Variants in CCDC148 observed in about 807,000 individuals in gnomAD.
CCDC148 encodes the protein coiled-coil domain containing 148, also known as coiled-coil domain-containing protein 148.
CCDC148 carries 89 observed loss-of-function variants against 85.7 expected under a neutral mutation model. That is an observed-to-expected ratio of 1.04 (90% CI 0.87 to 1.24). The LOEUF (loss-of-function observed/expected upper bound fraction) is 1.24. CCDC148 is among the 50% of genes most tolerant of loss of function. CCDC148 has a pLI of 0.00. For missense variants in CCDC148, 692 were observed against 671.7 expected, an observed-to-expected ratio of 1.03 and a Z score of -0.33; for synonymous variants, 230 against 213.9, an observed-to-expected ratio of 1.08 and a Z score of -0.66.
chr2:158,373,125 G>A (rs570157791), intron 1 of CCDC148, among the ~76,000 whole-genome samples: 2 of 152,152 alleles, frequency 1.3e-5, no homozygotes, highest in South Asian at 2.1e-4. Context: ...AGGAAGGTCA[G>A]AATCAGAGAT....
chr2:158,311,259 C>G (rs1691997402), intron 8 of CCDC148, among the ~76,000 whole-genome samples: 1 of 152,212 alleles, frequency 6.6e-6, no homozygotes, highest in Admixed American at 6.5e-5. Flanking sequence ...CACTCGAGGT[C>G]AGGAGCTGGA....
chr2:158,359,432 C>T (rs1467369616), intron 1 of CCDC148, among the ~76,000 whole-genome samples: 1 of 152,142 alleles, frequency 6.6e-6, no homozygotes, highest in Non-Finnish European at 1.5e-5. Flanking sequence ...CAGCGCCCAG[C>T]TAGATCGATG....
At chr2:158,334,798 A>G (rs577404519) in intron 7 of CCDC148, among the ~76,000 whole-genome samples, 2 of 151,966 alleles carry the variant, frequency 1.3e-5, no homozygotes, top group African/African-American at 4.8e-5. Context: ...ATTTATTTTG[A>G]TTTTAAAAAA....
chr2:158,354,033 A>C (rs1392854226), intron 2 of CCDC148, among the ~76,000 whole-genome samples: 1 of 152,168 alleles, frequency 6.6e-6, no homozygotes, highest in Non-Finnish European at 1.5e-5. Context: ...AACCAATGAG[A>C]ACAAAGACAC....
chr2:158,302,733 G>A (rs964737308), intron 9 of CCDC148, among the ~76,000 whole-genome samples: 4 of 151,454 alleles, frequency 2.6e-5, no homozygotes, highest in African/African-American at 4.9e-5. Context: ...GCAGTGAGCC[G>A]AGATCGTGCC....
chr2:158,207,464 T>C (rs1269674435), intron 11 of CCDC148: 2 of 152,194 alleles, frequency 1.3e-5, no homozygotes, highest in Non-Finnish European at 2.9e-5. Flanking sequence ...TTTAATAAAA[T>C]TTCTGTTTCC....
intron 10 of CCDC148, among the ~76,000 whole-genome samples, chr2:158,222,106 GA>G (rs1687215789): frequency 1.3e-5 from 2 of 152,132 alleles, no homozygotes; most frequent in South Asian, 4.2e-4. Context: ...TTTATAATCA[GA>G]AAAAAATTAA....
chr2:158,370,476 C>T (rs1684392385), intron 1 of CCDC148, among the ~76,000 whole-genome samples: 1 of 151,954 alleles, frequency 6.6e-6, no homozygotes. Flanking sequence ...TCTTTTGCTA[C>T]TGACTAGGTA....
At chr2:158,215,097 C>T (rs1686778614) in intron 11 of CCDC148, among the ~76,000 whole-genome samples, 1 of 151,912 alleles carries the variant, frequency 6.6e-6, no homozygotes, top group African/African-American at 2.4e-5. Flanking sequence ...TTAATCTAAT[C>T]AAGAGTCCAT....
chr2:158,236,341 G>T (rs1025427883), intron 10 of CCDC148, among the ~76,000 whole-genome samples: 1 of 152,128 alleles, frequency 6.6e-6, no homozygotes, highest in Non-Finnish European at 1.5e-5. Context: ...TAATTGAAAT[G>T]CCAGGTGGAT....
chr2:158,186,234 C>T (rs78058123), intron 11 of CCDC148, among the ~76,000 whole-genome samples: 12,390 of 152,068 alleles, frequency 0.081, 706 homozygotes, highest in Non-Finnish European at 0.13. Context: ...TCTGCCCACA[C>T]AGTCTCTTGA....
At chr2:158,195,472 T>C (rs1199710636) in intron 11 of CCDC148, among the ~76,000 whole-genome samples, 1 of 152,178 alleles carries the variant, frequency 6.6e-6, no homozygotes, top group Non-Finnish European at 1.5e-5. Context: ...TTGTTCCCTG[T>C]GAAGTTTTGC....
intron 1 of CCDC148, among the ~76,000 whole-genome samples, chr2:158,407,107 A>C (rs1477325783): frequency 6.6e-6 from 1 of 152,068 alleles, no homozygotes; most frequent in Non-Finnish European, 1.5e-5. Context: ...ACCTTGAAAA[A>C]AACAAAATTA....
At chr2:158,354,715 C>T (rs1343132974) in intron 2 of CCDC148, among the ~76,000 whole-genome samples, 1 of 151,682 alleles carries the variant, frequency 6.6e-6, no homozygotes, top group Non-Finnish European at 1.5e-5. Context: ...GGAATCCTCC[C>T]TAACTCATTT....
chr2:158,294,363 G>T (rs1691069165), intron 9 of CCDC148, among the ~76,000 whole-genome samples: 1 of 152,100 alleles, frequency 6.6e-6, no homozygotes, highest in African/African-American at 2.4e-5. Flanking sequence ...AGTTTTAGCA[G>T]TTATAAATAA....
intron 9 of CCDC148, among the ~76,000 whole-genome samples, chr2:158,283,914 G>A (rs1222917054): frequency 6.6e-6 from 1 of 151,646 alleles, no homozygotes; most frequent in Non-Finnish European, 1.5e-5. Context: ...AAGAAAATGT[G>A]GCACATATAC....
At chr2:158,312,358 C>T (rs529780848) in intron 8 of CCDC148, among the ~76,000 whole-genome samples, 18 of 151,082 alleles carry the variant, frequency 1.2e-4, no homozygotes, top group South Asian at 8.5e-4. Context: ...CCGAGGTGAG[C>T]GGATCAGGAG....
intron 10 of CCDC148, 58 bp downstream of exon 10, chr2:158,250,714 G>A (rs914641972): frequency 2.1e-6 from 3 of 1,457,174 alleles, no homozygotes; most frequent in Non-Finnish European, 2.7e-6. Flanking sequence ...AGACCAAAAA[G>A]CTCAATCAGG....
chr2:158,329,333 G>A (rs1395977276), intron 7 of CCDC148, among the ~76,000 whole-genome samples: 8 of 152,092 alleles, frequency 5.3e-5, no homozygotes, highest in Admixed American at 2.0e-4. Flanking sequence ...GTAGATATGC[G>A]GCATTATTTC....
Sources: gnomAD v4.1 joint callset for allele counts (sites outside exome capture counted in the v4.1 genomes callset) on GRCh38, gnomAD v4.1.1 for gene constraint, MANE v1.5 for transcripts, NCBI Gene and HGNC (gene_info 2026-07-23, HGNC 2026-07-21) for gene names.